The following THSD4 variants were observed in gnomAD, a reference collection of about 807,000 sequenced individuals.
THSD4 encodes the protein thrombospondin type 1 domain containing 4, also known as thrombospondin type-1 domain-containing protein 4.
A neutral mutation model predicts 119.0 loss-of-function variants in THSD4; 69 were observed. The observed-to-expected ratio is 0.58, with a 90% CI of 0.48 to 0.71. The LOEUF (loss-of-function observed/expected upper bound fraction) is 0.71. THSD4 is among the 30% of genes least tolerant of loss of function. THSD4 has a pLI of 0.00. For synonymous variants in THSD4, 524 were observed against 540.4 expected, an observed-to-expected ratio of 0.97 and a Z score of 0.42; for missense variants, 1,393 against 1,391.1, an observed-to-expected ratio of 1.00 and a Z score of -0.02.
Position 71,542,801 on chromosome 15 carries a change from C to T in THSD4, c.1153-117729C>T, listed in dbSNP as rs750939906. ...CTGAGGCAGGAGAATGGCGTGAACCCGGGAGGCGGAGCTTGCAGTGAGCCG... is the reference window on the plus strand; with the variant it reads ...CTGAGGCAGGAGAATGGCGTGAACCTGGGAGGCGGAGCTTGCAGTGAGCCG... On this transcript the variant is annotated intron_variant, in intron 7 of 17. Coordinates refer to ENST00000261862, the MANE Select transcript of THSD4 (RefSeq NM_024817.3). Among the ~76,000 whole-genome samples, 289 of 151,020 alleles carry T rather than the reference C, an allele frequency of 1.9e-3. 2 individuals carry two copies. Among genetic ancestry groups the T allele is most frequent in the Non-Finnish European group, 3.4e-3 (232 of 67,866 alleles).
At chr15:71,174,960 G>A (rs2043433091) in intron 3 of THSD4, among the ~76,000 whole-genome samples, 1 of 150,694 alleles carries the variant, frequency 6.6e-6, no homozygotes, top group African/African-American at 2.4e-5. Flanking sequence ...CAAACAGAAA[G>A]GACATCCACA....
intron 7 of THSD4, among the ~76,000 whole-genome samples, chr15:71,535,800 T>G (rs918513709): frequency 1.4e-4 from 21 of 152,252 alleles, no homozygotes; most frequent in Admixed American, 6.5e-4. Context: ...ATTATTAAAG[T>G]ATAAGAATAC....
At chr15:71,629,550 T>G (rs2050578926) in intron 7 of THSD4, among the ~76,000 whole-genome samples, 1 of 152,154 alleles carries the variant, frequency 6.6e-6, no homozygotes, top group South Asian at 2.1e-4. Flanking sequence ...TCAGTCACTC[T>G]CCATCACATT....
chr15:71,525,754 A>T (rs1262422165), intron 7 of THSD4, among the ~76,000 whole-genome samples: 2 of 152,210 alleles, frequency 1.3e-5, no homozygotes, highest in African/African-American at 4.8e-5. Context: ...TTTTGGAGAT[A>T]CATTCTTTGC....
chr15:71,702,355 T>C (rs1430495479), intron 8 of THSD4, among the ~76,000 whole-genome samples: 1 of 152,228 alleles, frequency 6.6e-6, no homozygotes, highest in African/African-American at 2.4e-5. Context: ...ACATTGAATC[T>C]TTTAAAAGAA....
Position 71,341,474 on chromosome 15 carries a change from T to C in THSD4, c.1016-70213T>C, listed in dbSNP as rs2045575353. The C allele has an allele frequency of 3.7e-6, 6 of 1,613,372 alleles. No individual in the cohort carries two copies. In the East Asian group the frequency reaches 1.3e-4, roughly 36 times the overall value. ...AGCACTCTTTTTGGGCCACCGACCT[T>C]GTGTCCAGCCCCACTGCTTGGCCTG... is the stretch of plus-strand genomic sequence containing the variant. On this transcript the variant is annotated intron_variant, in intron 6 of 17. Transcript: ENST00000261862.
intron 4 of THSD4, among the ~76,000 whole-genome samples, chr15:71,232,611 C>T (rs2044070605): frequency 6.6e-6 from 1 of 151,866 alleles, no homozygotes; most frequent in African/African-American, 2.4e-5. Flanking sequence ...TCTTGCCGCA[C>T]AAGAGCCCCA....
chr15:71,770,320 T>G (rs1175280818), intron 16 of THSD4, among the ~76,000 whole-genome samples: 1 of 129,636 alleles, frequency 7.7e-6, no homozygotes, highest in Admixed American at 8.3e-5. Flanking sequence ...TTCCAGCATG[T>G]GTATGAATAA....
intron 8 of THSD4, among the ~76,000 whole-genome samples, chr15:71,668,724 C>G: frequency 6.6e-6 from 1 of 152,202 alleles, no homozygotes; most frequent in East Asian, 1.9e-4. Flanking sequence ...AGCCTTTTAA[C>G]AAACTCTCAC....
Position 71,215,017 on chromosome 15 carries a change from C to T in THSD4, c.100-18C>T. The T allele has an allele frequency of 8.0e-7, 1 of 1,252,596 alleles. No homozygotes were observed. The highest frequency in any genetic ancestry group is 1.0e-6 in the Non-Finnish European group (1 of 991,846). 77.6% of individuals were successfully genotyped at this position (1,252,596 alleles called of 1,614,324 possible). ...AGGAGCGGTGTTCTGGTCCCCTAACCTGCCTCTGTCTCCGCAGGTCCCGCA... is the reference window on the plus strand; with the variant it reads ...AGGAGCGGTGTTCTGGTCCCCTAACTTGCCTCTGTCTCCGCAGGTCCCGCA... On this transcript the variant is annotated intron_variant, in intron 3 of 17. Transcript: ENST00000261862.
chr15:71,565,970 C>T (rs962918177), intron 7 of THSD4, among the ~76,000 whole-genome samples: 1 of 152,042 alleles, frequency 6.6e-6, no homozygotes, highest in African/African-American at 2.4e-5. Context: ...CCCAGAGGCT[C>T]CTAGAATTGA....
At chr15:71,496,543 T>A (rs1264309913) in intron 7 of THSD4, among the ~76,000 whole-genome samples, 1 of 152,142 alleles carries the variant, frequency 6.6e-6, no homozygotes, top group Non-Finnish European at 1.5e-5. Flanking sequence ...CAGAACCACA[T>A]TCCAGGCAGC....
chr15:71,692,519 G>T (rs992849903), intron 8 of THSD4, among the ~76,000 whole-genome samples: 2 of 152,174 alleles, frequency 1.3e-5, no homozygotes, highest in African/African-American at 2.4e-5. Flanking sequence ...GCTCTGCAGT[G>T]TACAGGGAGC....
intron 7 of THSD4, among the ~76,000 whole-genome samples, chr15:71,425,111 T>G (rs903494256): frequency 2.0e-5 from 3 of 152,232 alleles, no homozygotes; most frequent in African/African-American, 7.2e-5. Context: ...GAGGAAGGTG[T>G]TGAAGCTGAT....
Position 71,780,365 on chromosome 15 carries a change from AAT to A in THSD4, c.*2993_*2994del, listed in dbSNP as rs1007962984. On this transcript the variant is annotated 3_prime_UTR_variant, in exon 18 of 18. Coordinates refer to ENST00000261862, the MANE Select transcript of THSD4 (RefSeq NM_024817.3). ...CAAAAGTCAACAAAGTCCAAACAAA[AAT>A]AGTTTGCCGTTTTACTTTCATCCAT... 1.1e-4 allele frequency: 20 copies of A among 176,588 alleles called. No homozygotes were observed. The highest frequency in any genetic ancestry group is 4.7e-4 in the African/African-American group (20 of 42,656). The allele number at this position is 176,588 out of a possible 1,614,324, so 10.9% of individuals were successfully genotyped here.
intron 3 of THSD4, among the ~76,000 whole-genome samples, chr15:71,204,761 G>A (rs1002169429): frequency 6.6e-6 from 1 of 152,040 alleles, no homozygotes; most frequent in African/African-American, 2.4e-5. Context: ...AAAAGTATAC[G>A]GTATTTCCAG....
chr15:71,739,163 AC>A (rs1258490894), intron 11 of THSD4, among the ~76,000 whole-genome samples: 2 of 151,728 alleles, frequency 1.3e-5, no homozygotes, highest in East Asian at 3.9e-4. Context: ...ACTGACCAAC[AC>A]TCACAGCTCC....
chr15:71,430,074 G>T (rs953150436), intron 7 of THSD4, among the ~76,000 whole-genome samples: 1 of 151,880 alleles, frequency 6.6e-6, no homozygotes, highest in African/African-American at 2.4e-5. Flanking sequence ...GTGTAAGTTT[G>T]TTCAAATATA....
chr15:71,459,942 T>C (rs181852949), intron 7 of THSD4, among the ~76,000 whole-genome samples: 34 of 152,304 alleles, frequency 2.2e-4, no homozygotes, highest in Non-Finnish European at 4.1e-4. Flanking sequence ...ACTTCTCTTA[T>C]GCCACACTCA....
Sources: gnomAD v4.1 joint callset for allele counts (sites outside exome capture counted in the v4.1 genomes callset) on GRCh38, gnomAD v4.1.1 for gene constraint, MANE v1.5 for transcripts, NCBI Gene and HGNC (gene_info 2026-07-23, HGNC 2026-07-21) for gene names.